Variants in BAIAP2L1 observed in about 807,000 individuals in gnomAD.
The protein encoded by BAIAP2L1 is BAR/IMD domain containing adaptor protein 2 like 1.
A neutral mutation model predicts 66.3 loss-of-function variants in BAIAP2L1; 35 were observed. That is an observed-to-expected ratio of 0.53 (90% CI 0.40 to 0.70). The LOEUF (loss-of-function observed/expected upper bound fraction) is 0.70. Among genes scored for constraint, BAIAP2L1 ranks in the 30% least tolerant of loss-of-function variants. The pLI, the probability that BAIAP2L1 is intolerant of heterozygous loss-of-function variation, is 0.00. For synonymous variants in BAIAP2L1, 269 were observed against 248.7 expected, an observed-to-expected ratio of 1.08 and a Z score of -0.77; for missense variants, 622 against 656.9, an observed-to-expected ratio of 0.95 and a Z score of 0.58.
intron 3 of BAIAP2L1, among the ~76,000 whole-genome samples, chr7:98,346,786 G>C (rs904843919): frequency 1.3e-5 from 2 of 152,136 alleles, no homozygotes; most frequent in Non-Finnish European, 2.9e-5. Flanking sequence ...TGAAGACACA[G>C]AAATGAAATG....
At chr7:98,386,128 G>A in intron 1 of BAIAP2L1, 1 of 1,592,376 alleles carries the variant, frequency 6.3e-7, no homozygotes, top group Non-Finnish European at 8.5e-7. Context: ...CTGAGCATAA[G>A]AGGTCTTCCG....
Position 98,315,625 on chromosome 7 carries a change from A to AAAAAAATAAT in BAIAP2L1, c.487-14_487-13insATTATTTTTT. 1 of 1,130,960 alleles carries AAAAAAATAAT rather than the reference A, an allele frequency of 8.8e-7. No individual in the cohort carries two copies. The highest frequency in any genetic ancestry group is 1.7e-5 in the African/African-American group (1 of 60,294). 70.1% of individuals were successfully genotyped at this position (1,130,960 alleles called of 1,614,324 possible). A position where few individuals can be genotyped will look rare whatever the true frequency, so the allele number is the denominator to read the frequency against. On this transcript the variant is annotated splice_polypyrimidine_tract_variant and intron_variant, in intron 6 of 13. Coordinates refer to ENST00000005260, the MANE Select transcript of BAIAP2L1 (RefSeq NM_018842.5). The stretch of plus-strand genomic sequence containing the variant: ...CGGTCTCCACATACTAAAAAAAAAA[A>AAAAAAATAAT]AATAATAATAATAATAATTATATAA...
chr7:98,312,306 T>C, intron 7 of BAIAP2L1, 42 bp from the exon 8 acceptor site: 3 of 1,557,230 alleles, frequency 1.9e-6, no homozygotes, highest in Non-Finnish European at 1.7e-6. Context: ...AAGAAGATTG[T>C]CTGAAGAGCT....
chr7:98,316,984 C>G (rs1230771008), intron 6 of BAIAP2L1, among the ~76,000 whole-genome samples: 1 of 54,326 alleles, frequency 1.8e-5, no homozygotes, highest in South Asian at 4.5e-4. Context: ...CTGCCTCAGC[C>G]TCCGAGTAGC....
At chr7:98,400,630 GGAA>G (rs1049389778) in intron 1 of BAIAP2L1, among the ~76,000 whole-genome samples, 169 bp downstream of exon 1, 4 of 147,206 alleles carry the variant, frequency 2.7e-5, no homozygotes, top group African/African-American at 5.0e-5. Context: ...GGCCAGGGGA[GGAA>G]GAAGAGGGGC....
intron 1 of BAIAP2L1, among the ~76,000 whole-genome samples, chr7:98,365,019 A>AAAAAAAAAG (rs71112145): frequency 7.7e-6 from 1 of 130,536 alleles, no homozygotes; most frequent in African/African-American, 2.9e-5. Context: ...AAAAAAAAAA[A>AAAAAAAAAG]GAGCTATTAC....
rs11980815 is a variant in BAIAP2L1, at chr7:98,324,565, A to C, written c.215-4267T>G. On this transcript the variant is annotated intron_variant, in intron 3 of 13. Transcript: ENST00000005260. Reference sequence around the variant, plus strand: ...TGAATGCCTAGAACATTTTCATTGGAAACACAGGGCCAGGTGTGGTAGCTC... The same window carrying C: ...TGAATGCCTAGAACATTTTCATTGGCAACACAGGGCCAGGTGTGGTAGCTC... 8.6e-3 allele frequency among the ~76,000 whole-genome samples: 1,316 copies of C among 152,304 alleles called. 19 individuals are homozygous for C. The highest frequency in any genetic ancestry group is 0.03 in the African/African-American group (1,253 of 41,572).
chr7:98,393,123 GTATATATACACACATATGTGTACA>G lies in BAIAP2L1; in HGVS notation c.51+7655_51+7678del, dbSNP rs1351135305. 6.5e-5 allele frequency among the ~76,000 whole-genome samples: 5 copies of G among 77,432 alleles called. 1 individual carries two copies. The South Asian group carries it at 1.8e-3, about 27-fold the overall frequency. The allele number at this position is 77,432 out of a possible 152,430, so 50.8% of individuals were successfully genotyped here. Reference sequence around the variant, plus strand: ...CGTGTACATATATGTACACATATATGTATATATACACACATATGTGTACATATATATGTACACATATATGTATAT... The same window carrying G: ...CGTGTACATATATGTACACATATATGTATATATGTACACATATATGTATAT... On this transcript the variant is annotated intron_variant, in intron 1 of 13. Coordinates refer to ENST00000005260, the MANE Select transcript of BAIAP2L1 (RefSeq NM_018842.5).
intron 9 of BAIAP2L1, chr7:98,308,405 G>A (rs1483118523): frequency 4.9e-6 from 2 of 404,400 alleles, no homozygotes; most frequent in African/African-American, 2.1e-5. Context: ...AGGTGAGGAT[G>A]AGTTCCATTT....
chr7:98,332,382 C>CAAAAAAAAAAAA lies in BAIAP2L1; in HGVS notation c.215-12096_215-12085dup, dbSNP rs55987839. Among the ~76,000 whole-genome samples the CAAAAAAAAAAAA allele has an allele frequency of 1.8e-4, 5 of 27,764 alleles. 1 individual carries two copies. The highest frequency in any genetic ancestry group is 8.6e-4 in the African/African-American group (5 of 5,808). The allele number at this position is 27,764 out of a possible 152,430, so 18.2% of individuals were successfully genotyped here. On this transcript the variant is annotated intron_variant, in intron 3 of 13. Coordinates refer to ENST00000005260, the MANE Select transcript of BAIAP2L1 (RefSeq NM_018842.5). ...TGGGTGACAGAACAAGACTCCATCT[C>CAAAAAAAAAAAA]AAAAAAAAAAAAAAAAAAAAAAAAA...
chr7:98,386,361 T>G, intron 1 of BAIAP2L1: 1 of 1,595,140 alleles, frequency 6.3e-7, no homozygotes, highest in Non-Finnish European at 8.5e-7. Flanking sequence ...TTCATCATTC[T>G]GCAAATCAGC....
chr7:98,365,815 C>G (rs1015996343), intron 1 of BAIAP2L1, among the ~76,000 whole-genome samples: 1 of 152,184 alleles, frequency 6.6e-6, no homozygotes, highest in East Asian at 1.9e-4. Context: ...CTCTCCTGTT[C>G]TTGTTTTATA....
chr7:98,305,040 GTTTTTTGTT>G lies in BAIAP2L1; in HGVS notation c.1242-673_1242-665del, dbSNP rs1327534068. 3.9e-3 allele frequency among the ~76,000 whole-genome samples: 336 copies of G among 87,064 alleles called. 3 individuals carry two copies. Among genetic ancestry groups the G allele is most frequent in the African/African-American group, 0.016 (319 of 19,500 alleles). 57.1% of individuals were successfully genotyped at this position (87,064 alleles called of 152,430 possible). ...GCCACCACGCCCAGCTAATTTTTTTGTTTTTTGTTTTTTTTTTTTTTTTTTTTTTTAGTA... is the reference window on the plus strand; with the variant it reads ...GCCACCACGCCCAGCTAATTTTTTTGTTTTTTTTTTTTTTTTTTTTTAGTA... On this transcript the variant is annotated intron_variant, in intron 11 of 13. Transcript: ENST00000005260.
chr7:98,356,570 C>T (rs559104613), intron 2 of BAIAP2L1, among the ~76,000 whole-genome samples: 5 of 150,862 alleles, frequency 3.3e-5, no homozygotes, highest in Non-Finnish European at 7.4e-5. Flanking sequence ...GATCATGGCT[C>T]ACTGCAGCCT....
intron 3 of BAIAP2L1, among the ~76,000 whole-genome samples, chr7:98,323,636 G>A (rs1801306495): frequency 6.6e-6 from 1 of 152,164 alleles, no homozygotes; most frequent in South Asian, 2.1e-4. Flanking sequence ...CTCTGGGCAC[G>A]CTCCATGCTC....
chr7:98,362,857 G>A lies in BAIAP2L1; in HGVS notation c.52-425C>T, dbSNP rs1584486574. Among the ~76,000 whole-genome samples, 3 of 152,010 alleles carry A rather than the reference G, an allele frequency of 2.0e-5. No individual in the cohort carries two copies. In the South Asian group the frequency reaches 6.2e-4, roughly 32 times the overall value. On this transcript the variant is annotated intron_variant, in intron 1 of 13. Transcript: ENST00000005260. ...AAAGGCAATGTTTCAAATAGATTTCGATGAATTTCTATCCACTGAATAGAA... is the reference window on the plus strand; with the variant it reads ...AAAGGCAATGTTTCAAATAGATTTCAATGAATTTCTATCCACTGAATAGAA...
At chr7:98,354,004 TAAAAA>T (rs1554336967) in intron 3 of BAIAP2L1, among the ~76,000 whole-genome samples, 1 of 133,724 alleles carries the variant, frequency 7.5e-6, no homozygotes, top group African/African-American at 2.8e-5. Context: ...TAAAATAAAA[TAAAAA>T]ATTAAAAAAT....
intron 11 of BAIAP2L1, among the ~76,000 whole-genome samples, chr7:98,304,865 ATTTTT>A (rs11423233): frequency 2.9e-5 from 4 of 136,318 alleles, no homozygotes; most frequent in African/African-American, 8.2e-5. Context: ...CTCACAAGAA[ATTTTT>A]TTTTTTTTTT....
chr7:98,374,675 T>C (rs1281816678), intron 1 of BAIAP2L1, among the ~76,000 whole-genome samples: 1 of 152,132 alleles, frequency 6.6e-6, no homozygotes, highest in Non-Finnish European at 1.5e-5. Context: ...ACTCCTGATT[T>C]TTGGTGAATA....
Sources: allele counts gnomAD v4.1 joint callset (sites outside exome capture counted in the v4.1 genomes callset), GRCh38; gene constraint gnomAD v4.1.1; transcripts MANE v1.5; gene names NCBI Gene and HGNC (gene_info 2026-07-23, HGNC 2026-07-21).